DDX19B: variants seen among roughly 807,000 people sequenced by gnomAD.
DDX19B encodes the protein ATP-dependent RNA helicase DDX19B.
Under a neutral mutation model 58.1 loss-of-function variants are expected in DDX19B, and 27 were observed. The observed-to-expected ratio is 0.46, with a 90% CI of 0.34 to 0.64. The LOEUF (loss-of-function observed/expected upper bound fraction) is 0.64. Among genes scored for constraint, DDX19B ranks in the 30% least tolerant of loss-of-function variants. The pLI is 0.01. For synonymous variants in DDX19B, 187 were observed against 214.4 expected (o/e 0.87, Z 1.12); for missense variants, 399 against 596.5 (o/e 0.67, Z 3.45).
chr16:70,321,863 A>G (rs1046131358), intron 5 of DDX19B, among the ~76,000 whole-genome samples: 4 of 151,320 alleles, frequency 2.6e-5, no homozygotes, highest in African/African-American at 9.7e-5. Context: ...GTGAAACCCC[A>G]TCTCTACTAA....
intron 2 of DDX19B, 36 bp from the exon 3 acceptor site, chr16:70,314,866 G>A (rs969823487): frequency 2.5e-6 from 4 of 1,604,090 alleles, no homozygotes; most frequent in Non-Finnish European, 1.7e-6. Context: ...GGTATGGGAT[G>A]CGATTTTGAA....
chr16:70,317,536 A>C lies in DDX19B; in HGVS notation c.337A>C (p.Asn113His). 6.2e-7 allele frequency: 1 copy of C among 1,613,628 alleles called. No homozygotes were observed. Among genetic ancestry groups the C allele is most frequent in the Non-Finnish European group, 8.5e-7 (1 of 1,179,654 alleles). The change falls in exon 5 of 12, where the codon AAT (asparagine) becomes CAT (histidine). Residue 113 changes from asparagine (N) to histidine (H), a missense_variant. Coordinates refer to ENST00000288071, the MANE Select transcript of DDX19B (RefSeq NM_007242.7). ...LLQGVYAMGF[N>H]RPSKIQENAL... ...CCAAGGAGTCTATGCCATGGGTTTC[A>C]ATCGTCCATCCAAGATACAAGAGAA...
chr16:70,325,549 G>C (rs760953575), intron 6 of DDX19B, 25 bp from the exon 7 acceptor site: 10 of 1,532,712 alleles, frequency 6.5e-6, no homozygotes, highest in Non-Finnish European at 9.0e-6. Context: ...TCTTGAATTT[G>C]CACTCTGCAT....
At chr16:70,326,357 G>A (rs1294677031) in intron 7 of DDX19B, among the ~76,000 whole-genome samples, 1 of 152,078 alleles carries the variant, frequency 6.6e-6, no homozygotes, top group Non-Finnish European at 1.5e-5. Context: ...GGCACCTGTA[G>A]TCCCAGCTAC....
intron 1 of DDX19B, among the ~76,000 whole-genome samples, chr16:70,304,832 T>A (rs1302096888): frequency 6.6e-6 from 1 of 152,090 alleles, no homozygotes; most frequent in Non-Finnish European, 1.5e-5. Context: ...TTTTCACTTC[T>A]ACTTTCTTAT....
chr16:70,329,165 G>A lies in DDX19B; in HGVS notation c.608-127G>A. 3.1e-6 allele frequency: 4 copies of A among 1,293,312 alleles called. No homozygotes were observed. The East Asian group carries it at 1.0e-4, about 33-fold the overall frequency. The allele number at this position is 1,293,312 out of a possible 1,614,324, so 80.1% of individuals were successfully genotyped here. ...TTGAACCTGGGCGGCAGAGGTTGCAGTGAGTCGAGATCATGCCATTGCACT... is the reference window on the plus strand; with the variant it reads ...TTGAACCTGGGCGGCAGAGGTTGCAATGAGTCGAGATCATGCCATTGCACT... On this transcript the variant is annotated intron_variant, in intron 7 of 11. Transcript: ENST00000288071.
At chr16:70,290,546 A>G (rs1273872943), upstream of DDX19B, among the ~76,000 whole-genome samples, 1 of 152,108 alleles carries the variant, frequency 6.6e-6, no homozygotes, top group African/African-American at 2.4e-5. Flanking sequence ...ATAAAAAATA[A>G]AAATTAGCCA....
chr16:70,307,353 A>G (rs1339289019), intron 1 of DDX19B, among the ~76,000 whole-genome samples: 1 of 152,096 alleles, frequency 6.6e-6, no homozygotes, highest in Non-Finnish European at 1.5e-5. Context: ...ATGAAATAAT[A>G]TGTCTTTTTT....
At chr16:70,313,245 C>T (rs1320199517) in intron 2 of DDX19B, among the ~76,000 whole-genome samples, 2 of 152,118 alleles carry the variant, frequency 1.3e-5, no homozygotes, top group Admixed American at 6.6e-5. Flanking sequence ...GTCTCAATCT[C>T]CTGACCTCAT....
chr16:70,322,034 CA>C lies in DDX19B; in HGVS notation c.390-2537del, dbSNP rs879430148. ...TGGGCGACAGAGTGAGATTCCGTCTCAAAAAAAAAAAAAATTAATAATAAAT... is the reference window on the plus strand; with the variant it reads ...TGGGCGACAGAGTGAGATTCCGTCTCAAAAAAAAAAAAATTAATAATAAAT... On this transcript the variant is annotated intron_variant, in intron 5 of 11. Coordinates refer to ENST00000288071, the MANE Select transcript of DDX19B (RefSeq NM_007242.7). Among the ~76,000 whole-genome samples, 236 of 114,090 alleles carry C rather than the reference CA, an allele frequency of 2.1e-3. 1 individual carries two copies. Among genetic ancestry groups the C allele is most frequent in the African/African-American group, 3.4e-3 (104 of 30,150 alleles). 74.8% of individuals were successfully genotyped at this position (114,090 alleles called of 152,430 possible).
In DDX19B at chr16:70,335,278, A is replaced by G. The variant is rs1158433039; in HGVS notation, c.*1696A>G. The G allele has an allele frequency of 6.6e-6, 1 of 152,188 alleles. No individual in the cohort carries two copies. Among genetic ancestry groups the G allele is most frequent in the Non-Finnish European group, 1.5e-5 (1 of 68,038 alleles). 9.4% of individuals were successfully genotyped at this position (152,188 alleles called of 1,614,324 possible). ...AATACTAAAAACAAGGGCAATAATTAAAGAAGTATAGACTCTTTAGTAGGC... is the reference window on the plus strand; with the variant it reads ...AATACTAAAAACAAGGGCAATAATTGAAGAAGTATAGACTCTTTAGTAGGC... On this transcript the variant is annotated 3_prime_UTR_variant, in exon 12 of 12. Coordinates refer to ENST00000288071, the MANE Select transcript of DDX19B (RefSeq NM_007242.7).
upstream of DDX19B, among the ~76,000 whole-genome samples, chr16:70,293,904 C>T (rs967617069): frequency 6.6e-6 from 1 of 151,460 alleles, no homozygotes; most frequent in Non-Finnish European, 1.5e-5. Flanking sequence ...AGCCACCGCG[C>T]CCGGCCAAGG....
At chr16:70,307,667 G>GTATA (rs200114364) in intron 1 of DDX19B, among the ~76,000 whole-genome samples, 1 of 149,274 alleles carries the variant, frequency 6.7e-6, no homozygotes, top group African/African-American at 2.5e-5. Flanking sequence ...CTGGCCATAT[G>GTATA]TATATATATG....
At chr16:70,299,431 C>T in intron 1 of DDX19B, 77 bp downstream of exon 1, 1 of 1,477,616 alleles carries the variant, frequency 6.8e-7, no homozygotes, top group Non-Finnish European at 9.1e-7. Context: ...AGAATGTTTC[C>T]CAGGTTGATT....
intron 1 of DDX19B, among the ~76,000 whole-genome samples, chr16:70,310,241 C>T (rs1186018722): frequency 6.6e-6 from 1 of 152,006 alleles, no homozygotes; most frequent in Non-Finnish European, 1.5e-5. Flanking sequence ...ATTAGCTGGG[C>T]ATGGTGGTGC....
intron 4 of DDX19B, 181 bp downstream of exon 4, chr16:70,316,285 C>T: frequency 1.3e-6 from 1 of 776,268 alleles, no homozygotes; most frequent in Non-Finnish European, 1.9e-6. Context: ...TCTCGGCTCA[C>T]TGCAACCTCC....
Position 70,329,433 on chromosome 16 carries a change from C to G in DDX19B, c.749C>G (p.Thr250Ser). 2 of 1,613,990 alleles carry G rather than the reference C, an allele frequency of 1.2e-6. No homozygotes were observed. Among genetic ancestry groups the G allele is most frequent in the Non-Finnish European group, 1.7e-6 (2 of 1,180,000 alleles). ...VLDEADVMIA[T>S]QGHQDQSIRI... Reference sequence around the variant, plus strand: ...GATGAGGCTGATGTCATGATAGCCACTCAGGGCCACCAAGATCAGAGCATC... The same window carrying G: ...GATGAGGCTGATGTCATGATAGCCAGTCAGGGCCACCAAGATCAGAGCATC... The change falls in exon 8 of 12, where the codon ACT becomes AGT. Residue 250 changes from threonine to serine, a missense_variant. Thr to Ser is a moderately conservative substitution (Grantham distance 58). This residue lies in a region of DDX19B where 198 missense variants were observed against 345.9 expected (regional missense o/e 0.57). Coordinates refer to ENST00000288071, the MANE Select transcript of DDX19B (RefSeq NM_007242.7).
At chr16:70,311,658 G>T (rs893770036) in intron 1 of DDX19B, among the ~76,000 whole-genome samples, 2 of 152,012 alleles carry the variant, frequency 1.3e-5, no homozygotes, top group Admixed American at 6.6e-5. Context: ...TTCCACTTCA[G>T]CCCAGTGGGT....
upstream of DDX19B, among the ~76,000 whole-genome samples, chr16:70,290,667 C>T (rs2152176181): frequency 6.6e-6 from 1 of 152,326 alleles, no homozygotes; most frequent in South Asian, 2.1e-4. Context: ...ACACTGCATT[C>T]CTTGGGCGAC....
Sources: gnomAD v4.1 joint callset for allele counts (sites outside exome capture counted in the v4.1 genomes callset) on GRCh38, gnomAD v4.1.1 for gene constraint, gnomAD v4.1.1 regional missense constraint, MANE v1.5 for transcripts, NCBI Gene and HGNC (gene_info 2026-07-23, HGNC 2026-07-21) for gene names.